CDH4: variants seen among roughly 807,000 people sequenced by gnomAD.
CDH4 encodes the protein cadherin 4, also known as cadherin-4.
Under a neutral mutation model 86.0 loss-of-function variants are expected in CDH4, and 33 were observed. The ratio of observed to expected loss-of-function variants is 0.38; its 90% CI spans 0.29 to 0.51. The LOEUF is 0.51. CDH4 is among the 20% of genes least tolerant of loss of function. The pLI is 0.86. For missense variants in CDH4, 1,114 were observed against 1,307.4 expected (o/e 0.85, Z 2.28); for synonymous variants, 555 against 549.4 (o/e 1.01, Z -0.14).
At chr20:61,368,813 G>A (rs925519199) in intron 2 of CDH4, among the ~76,000 whole-genome samples, 1 of 152,184 alleles carries the variant, frequency 6.6e-6, no homozygotes, top group Non-Finnish European at 1.5e-5. Context: ...CACTGCAGCC[G>A]GCTAGGATGG....
chr20:61,631,777 G>A (rs2086890914), intron 2 of CDH4, among the ~76,000 whole-genome samples: 1 of 152,256 alleles, frequency 6.6e-6, no homozygotes, highest in Admixed American at 6.5e-5. Flanking sequence ...TGCCACAGCA[G>A]CTTTTGTTCT....
intron 2 of CDH4, among the ~76,000 whole-genome samples, chr20:61,690,867 C>T (rs1224906540): frequency 6.6e-6 from 1 of 152,072 alleles, no homozygotes; most frequent in Non-Finnish European, 1.5e-5. Context: ...AAAGCCAGGT[C>T]CAAGCAGAGG....
intron 4 of CDH4, among the ~76,000 whole-genome samples, chr20:61,808,464 G>T (rs930692599): frequency 2.0e-5 from 3 of 152,068 alleles, no homozygotes; most frequent in African/African-American, 4.8e-5. Flanking sequence ...ACTTCATTTT[G>T]AGTCTGTGGG....
chr20:61,290,790 A>C (rs1042113799), intron 2 of CDH4, among the ~76,000 whole-genome samples: 9 of 152,156 alleles, frequency 5.9e-5, no homozygotes, highest in African/African-American at 2.2e-4. Flanking sequence ...CTAGCCTCTG[A>C]GGTTTAGGAA....
rs2086277728 is a variant in CDH4, at chr20:61,565,288, G to GGTCCTC, written c.170-178275_170-178274insGTCCTC. On this transcript the variant is annotated intron_variant, in intron 2 of 15. Coordinates refer to ENST00000614565, the MANE Select transcript of CDH4 (RefSeq NM_001794.5). ...GTGGTGGTCCTCTTGGTGATGGGGT[G>GGTCCTC]ATGGTGGTGGCGGTGCTCTTGGTGG... Among the ~76,000 whole-genome samples the GGTCCTC allele has an allele frequency of 2.1e-5, 2 of 94,830 alleles. 1 individual carries two copies. Among genetic ancestry groups the GGTCCTC allele is most frequent in the Non-Finnish European group, 4.4e-5 (2 of 45,698 alleles). The allele number at this position is 94,830 out of a possible 152,430, so 62.2% of individuals were successfully genotyped here.
chr20:61,824,268 A>G (rs1981204465), intron 4 of CDH4, among the ~76,000 whole-genome samples: 1 of 151,994 alleles, frequency 6.6e-6, no homozygotes, highest in East Asian at 1.9e-4. Flanking sequence ...CTTGTCAACT[A>G]CAGGTGTCTG....
chr20:61,526,171 T>G (rs2149480), intron 2 of CDH4, among the ~76,000 whole-genome samples: 2 of 149,406 alleles, frequency 1.3e-5, no homozygotes, highest in African/African-American at 2.5e-5. Context: ...CTGGTGCCCC[T>G]CCCCCTCCCC....
chr20:61,422,625 C>A (rs2427090), intron 2 of CDH4, among the ~76,000 whole-genome samples: 89,902 of 151,798 alleles, frequency 0.59, 26,885 homozygotes, highest in African/African-American at 0.67. Context: ...GAGTTCAGAG[C>A]GCAACCATGC....
At chr20:61,798,162 C>T (rs1396925898) in intron 4 of CDH4, among the ~76,000 whole-genome samples, 1 of 150,906 alleles carries the variant, frequency 6.6e-6, no homozygotes, top group Non-Finnish European at 1.5e-5. Flanking sequence ...TCTCCTGAGC[C>T]AGCAGCCATA....
chr20:61,789,360 C>T (rs2146012250), intron 4 of CDH4, among the ~76,000 whole-genome samples: 1 of 152,288 alleles, frequency 6.6e-6, no homozygotes, highest in South Asian at 2.1e-4. Context: ...CAAGAAAAGC[C>T]ATGGAGCCTT....
intron 2 of CDH4, among the ~76,000 whole-genome samples, chr20:61,675,083 A>G (rs1304430500): frequency 6.6e-6 from 1 of 152,242 alleles, no homozygotes; most frequent in Non-Finnish European, 1.5e-5. Flanking sequence ...TCTTCATTCT[A>G]GCAGTGCAGG....
chr20:61,536,053 G>A (rs2085994976), intron 2 of CDH4, among the ~76,000 whole-genome samples: 1 of 126,480 alleles, frequency 7.9e-6, no homozygotes, highest in African/African-American at 2.9e-5. Flanking sequence ...AGTGCCCCCG[G>A]AGCCCCACCA....
At chr20:61,872,439 C>T (rs1036485375) in intron 6 of CDH4, among the ~76,000 whole-genome samples, 7 of 152,228 alleles carry the variant, frequency 4.6e-5, no homozygotes, top group South Asian at 2.1e-4. Context: ...GCTGGTGTGG[C>T]GAGAGTCCTT....
At chr20:61,528,102 G>GT (rs1303274687) in intron 2 of CDH4, among the ~76,000 whole-genome samples, 13 of 151,876 alleles carry the variant, frequency 8.6e-5, no homozygotes, top group African/African-American at 3.1e-4. Flanking sequence ...CAGGCTGGGT[G>GT]TGGTGGCTCA....
At chr20:61,805,239 G>C (rs1224994081) in intron 4 of CDH4, among the ~76,000 whole-genome samples, 1 of 152,162 alleles carries the variant, frequency 6.6e-6, no homozygotes, top group African/African-American at 2.4e-5. Context: ...CTAGAACAGA[G>C]AGGAGCAGAG....
chr20:61,534,542 G>T (rs545720692), intron 2 of CDH4, among the ~76,000 whole-genome samples: 11 of 152,280 alleles, frequency 7.2e-5, no homozygotes, highest in Non-Finnish European at 1.6e-4. Flanking sequence ...GGCACCTGAT[G>T]TGGGAGGGCA....
At chr20:61,646,019 A>G (rs1020652868) in intron 2 of CDH4, among the ~76,000 whole-genome samples, 2 of 152,190 alleles carry the variant, frequency 1.3e-5, no homozygotes, top group Non-Finnish European at 2.9e-5. Context: ...TTGTGTGTAC[A>G]GGGCCTGGCC....
chr20:61,376,414 G>C (rs1441293337), intron 2 of CDH4, among the ~76,000 whole-genome samples: 1 of 152,146 alleles, frequency 6.6e-6, no homozygotes, highest in South Asian at 2.1e-4. Context: ...CTCTGGCCAG[G>C]CCTGGGAAGG....
chr20:61,752,711 T>C lies in CDH4; in HGVS notation c.396+8922T>C, dbSNP rs111395895. 3.8e-3 allele frequency among the ~76,000 whole-genome samples: 572 copies of C among 152,320 alleles called. 1 individual carries two copies. Among genetic ancestry groups the C allele is most frequent in the African/African-American group, 0.013 (537 of 41,572 alleles). On this transcript the variant is annotated intron_variant, in intron 3 of 15. Coordinates refer to ENST00000614565, the MANE Select transcript of CDH4 (RefSeq NM_001794.5). ...GCAGTAAAAGTGAACAAACTGCAGCTAGAAGCAACAAAGCCAGCGAATCTC... is the reference window on the plus strand; with the variant it reads ...GCAGTAAAAGTGAACAAACTGCAGCCAGAAGCAACAAAGCCAGCGAATCTC...
Sources: allele counts gnomAD v4.1 joint callset (sites outside exome capture counted in the v4.1 genomes callset), GRCh38; gene constraint gnomAD v4.1.1; transcripts MANE v1.5; gene names NCBI Gene and HGNC (gene_info 2026-07-23, HGNC 2026-07-21).